Variants in NUGGC observed in about 807,000 individuals in gnomAD.
The protein encoded by NUGGC is nuclear GTPase, germinal center associated.
In NUGGC, 58 loss-of-function variants were observed where a neutral mutation model predicts 92.6. The ratio of observed to expected loss-of-function variants is 0.63; its 90% CI spans 0.51 to 0.78. NUGGC has a LOEUF of 0.78. NUGGC is among the 30% of genes least tolerant of loss of function. The pLI is 0.00. For synonymous variants in NUGGC, 376 were observed against 366.4 expected, an observed-to-expected ratio of 1.03 and a Z score of -0.30; for missense variants, 925 against 964.6, an observed-to-expected ratio of 0.96 and a Z score of 0.54.
chr8:28,076,156 AT>A (rs995425983), intron 1 of NUGGC, among the ~76,000 whole-genome samples: 2 of 152,076 alleles, frequency 1.3e-5, no homozygotes. Flanking sequence ...AGAGGACTGC[AT>A]TTTTTTCAGT....
chr8:28,041,747 C>A (rs1439124589), intron 12 of NUGGC, among the ~76,000 whole-genome samples: 7 of 152,166 alleles, frequency 4.6e-5, no homozygotes, highest in African/African-American at 2.4e-5. Flanking sequence ...GAGCTATGGA[C>A]CACACTTTGC....
rs1365941936 is a variant in NUGGC at position 28,030,266 on chromosome 8, A to G, written c.2017+44T>C. 5.7e-6 allele frequency: 6 copies of G among 1,060,734 alleles called. No individual in the cohort carries two copies. In the Admixed American group the frequency reaches 6.0e-5, roughly 11 times the overall value. 65.7% of individuals were successfully genotyped at this position (1,060,734 alleles called of 1,614,324 possible). ...AAAAGGATGCGAAAGATGCTGACAG[A>G]AAGTCCCAGAGCAGGCAGAAATGCT... On this transcript the variant is annotated intron_variant, in intron 16 of 18. Coordinates refer to ENST00000413272, the MANE Select transcript of NUGGC (RefSeq NM_001010906.2).
intron 6 of NUGGC, among the ~76,000 whole-genome samples, chr8:28,067,054 T>C (rs1314308390): frequency 6.6e-6 from 1 of 152,174 alleles, no homozygotes; most frequent in Non-Finnish European, 1.5e-5. Flanking sequence ...GAGGCTAGCA[T>C]GAAGTCTAGC....
intron 17 of NUGGC, among the ~76,000 whole-genome samples, chr8:28,027,272 A>T (rs566617108): frequency 6.6e-6 from 1 of 152,216 alleles, no homozygotes; most frequent in Non-Finnish European, 1.5e-5. Flanking sequence ...CCATCTGTAC[A>T]GCATCTCCCT....
intron 1 of NUGGC, among the ~76,000 whole-genome samples, chr8:28,078,231 G>T (rs1810770014): frequency 6.6e-6 from 1 of 152,190 alleles, no homozygotes. Context: ...GGTGGATTGG[G>T]CTTCAAATTC....
chr8:28,056,443 A>T (rs1585582424), intron 9 of NUGGC, among the ~76,000 whole-genome samples: 1 of 150,812 alleles, frequency 6.6e-6, no homozygotes, highest in East Asian at 1.9e-4. Context: ...GCGCCACTGC[A>T]CTCCAGCCTG....
chr8:28,030,555 C>G (rs979722062), intron 15 of NUGGC, 137 bp from the exon 16 acceptor site: 100 of 647,118 alleles, frequency 1.5e-4, no homozygotes, highest in Non-Finnish European at 9.4e-5. Flanking sequence ...ATCTCCACAA[C>G]TAGGCTGTGA....
intron 9 of NUGGC, 98 bp from the exon 10 acceptor site, chr8:28,056,152 C>A: frequency 1.5e-6 from 1 of 685,854 alleles, no homozygotes; most frequent in Non-Finnish European, 2.5e-6. Context: ...TTCATTTGGT[C>A]CAAACAGTCA....
chr8:28,026,689 A>C (rs751006300), intron 18 of NUGGC, among the ~76,000 whole-genome samples: 3 of 152,194 alleles, frequency 2.0e-5, no homozygotes, highest in East Asian at 1.9e-4. Context: ...GAATTCAGTG[A>C]AACCATGAGC....
At chr8:28,056,235 T>C (rs1585582017) in intron 9 of NUGGC, among the ~76,000 whole-genome samples, 181 bp from the exon 10 acceptor site, 1 of 152,016 alleles carries the variant, frequency 6.6e-6, no homozygotes, top group East Asian at 1.9e-4. Context: ...TCCTAGCCCG[T>C]TGGGAGGCCA....
At chr8:28,056,607 CACAG>C (rs1786634662) in intron 9 of NUGGC, among the ~76,000 whole-genome samples, 1 of 151,906 alleles carries the variant, frequency 6.6e-6, no homozygotes, top group South Asian at 2.1e-4. Context: ...TGAAAAAACT[CACAG>C]ACAAACCCTG....
intron 3 of NUGGC, 135 bp downstream of exon 3, chr8:28,070,117 G>A (rs767543439): frequency 1.4e-6 from 2 of 1,441,072 alleles, no homozygotes; most frequent in Admixed American, 2.8e-5. Context: ...CAGAGACTTT[G>A]AGCCCTCTCT....
At chr8:28,037,878 G>T (rs1563216900) in intron 13 of NUGGC, among the ~76,000 whole-genome samples, 1 of 152,162 alleles carries the variant, frequency 6.6e-6, no homozygotes, top group African/African-American at 2.4e-5. Context: ...AGAGTCTAGG[G>T]ATGAAACAAC....
intron 10 of NUGGC, among the ~76,000 whole-genome samples, chr8:28,050,395 A>G (rs915883490): frequency 1.3e-5 from 2 of 152,140 alleles, no homozygotes; most frequent in Non-Finnish European, 2.9e-5. Context: ...AAAAAAAAGA[A>G]AAAAGGAAAG....
chr8:28,026,297 G>T (rs935158043), intron 18 of NUGGC, among the ~76,000 whole-genome samples: 1 of 152,188 alleles, frequency 6.6e-6, no homozygotes, highest in Non-Finnish European at 1.5e-5. Flanking sequence ...TGCGCCAAAT[G>T]ATATGTGCAT....
At chr8:28,073,849 A>G (rs1022856093) in intron 2 of NUGGC, among the ~76,000 whole-genome samples, 3 of 152,130 alleles carry the variant, frequency 2.0e-5, no homozygotes, top group Non-Finnish European at 4.4e-5. Flanking sequence ...CCCAGGCTGG[A>G]GAGCAGTGGC....
chr8:28,037,268 T>C (rs1809578227), intron 13 of NUGGC, among the ~76,000 whole-genome samples: 1 of 152,162 alleles, frequency 6.6e-6, no homozygotes, highest in Admixed American at 6.5e-5. Context: ...ATGTTCCAAC[T>C]CTTCAACCTG....
At chr8:28,026,762 TTCATCATCATCA>T (rs35745694) in intron 18 of NUGGC, among the ~76,000 whole-genome samples, 188 bp downstream of exon 18, 5 of 150,642 alleles carry the variant, frequency 3.3e-5, no homozygotes, top group Non-Finnish European at 4.4e-5. Flanking sequence ...GGCTGTTGTT[TTCATCATCATCA>T]TCATCATCAT....
chr8:28,047,543 A>T lies in NUGGC; in HGVS notation c.1276T>A (p.Tyr426Asn). 6.4e-7 allele frequency: 1 copy of T among 1,568,150 alleles called. No homozygotes were observed. Among genetic ancestry groups the T allele is most frequent in the South Asian group, 1.2e-5 (1 of 85,066 alleles). ...TCGGTGAGGAGAGCCTGCTGCCAGT[A>T]CTCCTGGGCGCTGACTGTATACACC... The part of the protein sequence containing the change: ...DLVYTVSAQE[Y>N]WQQALLTEEE... Residue 426 changes from tyrosine (Y) to asparagine (N), a missense_variant, in exon 11 of 19, where the codon TAC (tyrosine) becomes AAC (asparagine). Transcript: ENST00000413272.
Sources: gnomAD v4.1 joint callset for allele counts (sites outside exome capture counted in the v4.1 genomes callset) on GRCh38, gnomAD v4.1.1 for gene constraint, MANE v1.5 for transcripts, NCBI Gene and HGNC (gene_info 2026-07-23, HGNC 2026-07-21) for gene names.